Variants in SNTB1 observed in about 807,000 individuals in gnomAD.
SNTB1 encodes the protein syntrophin beta 1, also known as beta-1-syntrophin.
A neutral mutation model predicts 48.9 loss-of-function variants in SNTB1; 36 were observed. The observed-to-expected ratio is 0.74, with a 90% CI of 0.56 to 0.97. The LOEUF (loss-of-function observed/expected upper bound fraction) is 0.97. Ranked by LOEUF, SNTB1 falls within the 50% of genes least tolerant of loss-of-function variation. The pLI, the probability that SNTB1 is intolerant of heterozygous loss-of-function variation, is 0.00. For synonymous variants in SNTB1, 299 were observed against 294.6 expected (o/e 1.01, Z -0.15); for missense variants, 786 against 703.4 (o/e 1.12, Z -1.33).
chr8:120,588,662 T>C (rs571484893), intron 3 of SNTB1, among the ~76,000 whole-genome samples: 7 of 152,332 alleles, frequency 4.6e-5, no homozygotes, highest in Non-Finnish European at 8.8e-5. Flanking sequence ...AAGTTACTTA[T>C]CTTCTCCATG....
At chr8:120,675,643 A>T (rs1024613579) in intron 2 of SNTB1, among the ~76,000 whole-genome samples, 1 of 152,086 alleles carries the variant, frequency 6.6e-6, no homozygotes, top group African/African-American at 2.4e-5. Context: ...TAGCCACAAG[A>T]CCCAACATAA....
intron 3 of SNTB1, among the ~76,000 whole-genome samples, chr8:120,627,238 C>T (rs1816897990): frequency 6.6e-6 from 1 of 152,204 alleles, no homozygotes; most frequent in Non-Finnish European, 1.5e-5. Context: ...CTCACAGTTA[C>T]TATGCCTTGG....
At chr8:120,540,307 A>G (rs916410280) in intron 6 of SNTB1, among the ~76,000 whole-genome samples, 1 of 152,226 alleles carries the variant, frequency 6.6e-6, no homozygotes, top group Non-Finnish European at 1.5e-5. Context: ...TAGGGGGTAG[A>G]GGAGAAGGAG....
intron 3 of SNTB1, among the ~76,000 whole-genome samples, chr8:120,589,729 A>G (rs1816207894): frequency 6.6e-6 from 1 of 152,110 alleles, no homozygotes; most frequent in Non-Finnish European, 1.5e-5. Flanking sequence ...ATGATGGGAT[A>G]GTTCCTGTCA....
chr8:120,565,342 A>G (rs1180812442), intron 4 of SNTB1, among the ~76,000 whole-genome samples: 1 of 152,220 alleles, frequency 6.6e-6, no homozygotes, highest in Non-Finnish European at 1.5e-5. Flanking sequence ...TCCTTATAAC[A>G]ACCCTATTAG....
intron 1 of SNTB1, among the ~76,000 whole-genome samples, chr8:120,753,378 C>T (rs1292824258): frequency 6.6e-6 from 1 of 152,128 alleles, no homozygotes; most frequent in African/African-American, 2.4e-5. Flanking sequence ...ACTCCACCTC[C>T]CAGACTTGTA....
chr8:120,678,343 C>T (rs930869044), intron 2 of SNTB1, among the ~76,000 whole-genome samples: 2 of 152,128 alleles, frequency 1.3e-5, no homozygotes, highest in African/African-American at 4.8e-5. Flanking sequence ...CTCTAGTCTC[C>T]AGTTTTGTCA....
chr8:120,780,623 A>C (rs1441446877), intron 1 of SNTB1, among the ~76,000 whole-genome samples: 2 of 152,202 alleles, frequency 1.3e-5, no homozygotes, highest in African/African-American at 4.8e-5. Flanking sequence ...AATGGTTTCA[A>C]CTCTGTTTTC....
In SNTB1 at chr8:120,538,608, G is replaced by A; in HGVS notation, c.*269C>T. 1 of 530,482 alleles carries A rather than the reference G, an allele frequency of 1.9e-6. No homozygotes were observed. Among genetic ancestry groups the A allele is most frequent in the South Asian group, 1.5e-5 (1 of 65,148 alleles). 32.9% of individuals were successfully genotyped at this position (530,482 alleles called of 1,614,324 possible). A position where few individuals can be genotyped will look rare whatever the true frequency, so the allele number is the denominator to read the frequency against. On this transcript the variant is annotated 3_prime_UTR_variant, in exon 7 of 7. Transcript: ENST00000517992. ...TTGGTTGTCATTATTTCAAAGCTAT[G>A]CTGTGTATTTCCCGTCACCTCACCT...
chr8:120,596,980 A>G (rs1315667253), intron 3 of SNTB1, among the ~76,000 whole-genome samples: 4 of 152,348 alleles, frequency 2.6e-5, no homozygotes, highest in Non-Finnish European at 2.9e-5. Context: ...TCATGTCCCA[A>G]TACCTGGAAC....
At chr8:120,547,555 G>A (rs1815403501) in intron 5 of SNTB1, among the ~76,000 whole-genome samples, 1 of 128,352 alleles carries the variant, frequency 7.8e-6, no homozygotes, top group African/African-American at 3.0e-5. Context: ...TCACGCTATT[G>A]TACTCCAGCC....
chr8:120,793,894 C>T (rs1338530255), intron 1 of SNTB1, among the ~76,000 whole-genome samples: 1 of 151,914 alleles, frequency 6.6e-6, no homozygotes, highest in Admixed American at 6.6e-5. Flanking sequence ...TATGAAAGAA[C>T]TTTTATAGTG....
At chr8:120,724,930 T>C (rs1818727244) in intron 1 of SNTB1, among the ~76,000 whole-genome samples, 1 of 152,196 alleles carries the variant, frequency 6.6e-6, no homozygotes, top group African/African-American at 2.4e-5. Context: ...CAATTAAAAA[T>C]GTGGCAGCTG....
At chr8:120,742,102 C>A (rs1036095014) in intron 1 of SNTB1, among the ~76,000 whole-genome samples, 3 of 152,124 alleles carry the variant, frequency 2.0e-5, no homozygotes, top group African/African-American at 7.2e-5. Flanking sequence ...GGATGAACAA[C>A]TGTAGGAAAT....
intron 1 of SNTB1, among the ~76,000 whole-genome samples, chr8:120,733,230 G>A (rs1452655414): frequency 6.6e-6 from 1 of 152,230 alleles, no homozygotes; most frequent in Non-Finnish European, 1.5e-5. Context: ...TCCTCCTAGA[G>A]TGAGTCATCA....
chr8:120,567,696 CA>C (rs896361150), intron 4 of SNTB1, among the ~76,000 whole-genome samples: 1 of 152,074 alleles, frequency 6.6e-6, no homozygotes, highest in Admixed American at 6.5e-5. Flanking sequence ...CCTGGGATTA[CA>C]GCCCAGCTTG....
chr8:120,688,561 T>C (rs985714395), intron 2 of SNTB1, among the ~76,000 whole-genome samples: 1 of 151,928 alleles, frequency 6.6e-6, no homozygotes, highest in Non-Finnish European at 1.5e-5. Context: ...AAGAAAAAAA[T>C]CACAAGTTAT....
chr8:120,718,378 G>C (rs1030253549), intron 1 of SNTB1, among the ~76,000 whole-genome samples: 10 of 152,228 alleles, frequency 6.6e-5, no homozygotes, highest in Non-Finnish European at 1.3e-4. Flanking sequence ...TCATGTTTCA[G>C]TGCCTATGGA....
intron 1 of SNTB1, among the ~76,000 whole-genome samples, chr8:120,782,317 A>T (rs968186763): frequency 6.6e-6 from 1 of 152,182 alleles, no homozygotes; most frequent in African/African-American, 2.4e-5. Flanking sequence ...ATTTCAATAT[A>T]TGAATTTTGA....
Sources: gnomAD v4.1 joint callset for allele counts (sites outside exome capture counted in the v4.1 genomes callset) on GRCh38, gnomAD v4.1.1 for gene constraint, MANE v1.5 for transcripts, NCBI Gene and HGNC (gene_info 2026-07-23, HGNC 2026-07-21) for gene names.